UBTF: variants seen among roughly 807,000 people sequenced by gnomAD.
UBTF encodes the protein nucleolar transcription factor 1.
UBTF carries 8 observed loss-of-function variants against 112.3 expected under a neutral mutation model. That is an observed-to-expected ratio of 0.07 (90% CI 0.04 to 0.13). UBTF has a LOEUF of 0.13. Ranked by LOEUF, UBTF falls within the 10% of genes least tolerant of loss-of-function variation. UBTF has a pLI of 1.00. For synonymous variants in UBTF, 417 were observed against 373.1 expected (o/e 1.12, Z -1.36); for missense variants, 457 against 982.1 (o/e 0.47, Z 7.15).
At chr17:44,216,844 A>G in intron 2 of UBTF, 140 bp from the exon 3 acceptor site, 1 of 806,602 alleles carries the variant, frequency 1.2e-6, no homozygotes, top group South Asian at 1.6e-5. Context: ...CAGACAAGAT[A>G]TGGCTCAGCC....
chr17:44,207,224 CTGGGG>C lies in UBTF; in HGVS notation c.*13_*17del. Reference sequence around the variant, plus strand: ...AGCTCCTGGGCTCTCCCTGGCTGCCCTGGGGTGGGGCTGAGCCTCAGTTGGAGTCA... The same window carrying C: ...AGCTCCTGGGCTCTCCCTGGCTGCCCTGGGGCTGAGCCTCAGTTGGAGTCA... On this transcript the variant is annotated 3_prime_UTR_variant, in exon 21 of 21. Transcript: ENST00000436088. 6.2e-7 allele frequency: 1 copy of C among 1,613,148 alleles called. No homozygotes were observed. The highest frequency in any genetic ancestry group is 8.5e-7 in the Non-Finnish European group (1 of 1,179,724).
chr17:44,207,556 GTCCTCGTCATCCTCA>G lies in UBTF; in HGVS notation c.2052_2066del (p.Asp687_Asp691del). ...CATCATCTTCCTCTTCTTCATCCTC[GTCCTCGTCATCCTCA>G]TCCTCTTCATCATCCTCCTCGGACT... On this transcript the variant is annotated inframe_deletion, in exon 20 of 21. Coordinates refer to ENST00000436088, the MANE Select transcript of UBTF (RefSeq NM_014233.4). The G allele has an allele frequency of 6.2e-7, 1 of 1,613,906 alleles. No homozygotes were observed. The highest frequency in any genetic ancestry group is 8.5e-7 in the Non-Finnish European group (1 of 1,179,960).
At chr17:44,208,323 T>G (rs1046297199) in intron 17 of UBTF, among the ~76,000 whole-genome samples, 1 of 152,102 alleles carries the variant, frequency 6.6e-6, no homozygotes, top group African/African-American at 2.4e-5. Context: ...AGGATGGTCT[T>G]GAACTCCTGG....
chr17:44,211,020 G>A lies in UBTF; in HGVS notation c.1203+19C>T, dbSNP rs2097819. 5,340 of 1,605,970 alleles carry A rather than the reference G, an allele frequency of 3.3e-3. 125 individuals carry two copies. The African/African-American group carries it at 0.04, about 12-fold the overall frequency. ...CAGTCTTGCCCACCCCCGCCTGCGC[G>A]GCCGCACCCTCTGCCCACCTTGCCC... is the stretch of plus-strand genomic sequence containing the variant. On this transcript the variant is annotated intron_variant, in intron 12 of 20. Coordinates refer to ENST00000436088, the MANE Select transcript of UBTF (RefSeq NM_014233.4). The surrounding 1 kb of genome is among the most constrained non-coding windows in gnomAD (Gnocchi z 4.9).
chr17:44,220,538 T>TAA (rs78711085), upstream of UBTF, among the ~76,000 whole-genome samples: 1 of 146,144 alleles, frequency 6.8e-6, no homozygotes, highest in East Asian at 2.0e-4. Context: ...ACCTCTGCAT[T>TAA]AAAAAAAAAA....
Position 44,211,459 on chromosome 17 carries a change from G to T in UBTF, c.1048-128C>A. Reference sequence around the variant, plus strand: ...TGTGGGCTGGACTCCCTGCCTGGACGGGCTCAGTTGCTAAGCCCAGCCCAG... The same window carrying T: ...TGTGGGCTGGACTCCCTGCCTGGACTGGCTCAGTTGCTAAGCCCAGCCCAG... On this transcript the variant is annotated intron_variant, in intron 10 of 20. Transcript: ENST00000436088. This position sits in a 1 kb window ranked among gnomAD's most constrained non-coding sequence, Gnocchi z 4.9. 1.3e-6 allele frequency: 2 copies of T among 1,558,558 alleles called. No homozygotes were observed. The highest frequency in any genetic ancestry group is 2.2e-5 in the East Asian group (1 of 44,544).
Position 44,218,275 on chromosome 17 carries a change from C to T in UBTF, c.-46G>A. 1 of 1,607,214 alleles carries T rather than the reference C, an allele frequency of 6.2e-7. No homozygotes were observed. Reference sequence around the variant, plus strand: ...TCCTCGGTCGTGCTGGCCGGGCAACCCGGGGTCAAAGCCACCTCACCCTTT... The same window carrying T: ...TCCTCGGTCGTGCTGGCCGGGCAACTCGGGGTCAAAGCCACCTCACCCTTT... On this transcript the variant is annotated 5_prime_UTR_variant, in exon 2 of 21. Transcript: ENST00000436088.
chr17:44,217,231 G>T (rs771566075), intron 2 of UBTF, among the ~76,000 whole-genome samples: 1 of 152,166 alleles, frequency 6.6e-6, no homozygotes, highest in Non-Finnish European at 1.5e-5. Flanking sequence ...CAATGTTAGA[G>T]ACACCCACCA....
chr17:44,219,643 C>G lies in UBTF; in HGVS notation c.-266G>C, dbSNP rs1157770020. ...GCGGCGGCGGCGGCGGCGGCTGTGG[C>G]TGCTGCCTGCTGCTCCTCGCGGCGA... On this transcript the variant is annotated 5_prime_UTR_variant, in exon 1 of 21. Coordinates refer to ENST00000436088, the MANE Select transcript of UBTF (RefSeq NM_014233.4). 2 of 161,358 alleles carry G rather than the reference C, an allele frequency of 1.2e-5. No homozygotes were observed. Among genetic ancestry groups the G allele is most frequent in the Non-Finnish European group, 1.3e-5 (1 of 76,038 alleles). The allele number at this position is 161,358 out of a possible 1,614,324, so 10.0% of individuals were successfully genotyped here.
chr17:44,212,687 T>C lies in UBTF; in HGVS notation c.660+132A>G. On this transcript the variant is annotated intron_variant, in intron 7 of 20. Transcript: ENST00000436088. The stretch of plus-strand genomic sequence containing the variant: ...CTTGCACGCCAGCTGGCCCGGGCCC[T>C]GTCCATGCAGCCCACCCCTGGGGAG... 14 of 1,488,864 alleles carry C rather than the reference T, an allele frequency of 9.4e-6. 1 individual carries two copies. The South Asian group carries it at 1.4e-4, about 15-fold the overall frequency. 92.2% of individuals were successfully genotyped at this position (1,488,864 alleles called of 1,614,324 possible).
chr17:44,212,952 C>A lies in UBTF; in HGVS notation c.540-13G>T. The A allele has an allele frequency of 6.2e-7, 1 of 1,613,416 alleles. No homozygotes were observed. Among genetic ancestry groups the A allele is most frequent in the African/African-American group, 1.3e-5 (1 of 75,040 alleles). On this transcript the variant is annotated splice_polypyrimidine_tract_variant and intron_variant, in intron 6 of 20. Coordinates refer to ENST00000436088, the MANE Select transcript of UBTF (RefSeq NM_014233.4). ...GGGGTGATCCTCCCTAGCCAGGACACGGGGAGCAAGGATCAGCAGGGGACG... is the reference window on the plus strand; with the variant it reads ...GGGGTGATCCTCCCTAGCCAGGACAAGGGGAGCAAGGATCAGCAGGGGACG...
Position 44,211,243 on chromosome 17 carries a change from C to T in UBTF, c.1089+47G>A. On this transcript the variant is annotated intron_variant, in intron 11 of 20. Coordinates refer to ENST00000436088, the MANE Select transcript of UBTF (RefSeq NM_014233.4). The surrounding 1 kb of genome is among the most constrained non-coding windows in gnomAD (Gnocchi z 4.9). ...AGGGGCTCACCAGGGCTCTGCCTGC[C>T]AAGTCCCAGTCTTCTCTGCCCACTG... The T allele has an allele frequency of 6.2e-7, 1 of 1,614,150 alleles. No individual in the cohort carries two copies.
At chr17:44,218,380 G>T (rs562116487) in intron 1 of UBTF, 84 bp from the exon 2 acceptor site, 2 of 748,616 alleles carry the variant, frequency 2.7e-6, no homozygotes, top group East Asian at 2.7e-5. Context: ...GTAGAAGGGG[G>T]CAGGTCCACA....
Position 44,211,067 on chromosome 17 carries a change from G to C in UBTF, c.1175C>G (p.Ser392Cys). The stretch of plus-strand genomic sequence containing the variant: ...GCCCCCTTCCTGGGCTGGCTTCTTG[G>C]AGGCGGGGCTGGTGGCCTGCTTCTT... ...INKKQATSPA[S>C]KKPAQEGGKG... is the part of the protein sequence containing the mutation. Residue 392 changes from serine to cysteine, a missense_variant, in exon 12 of 21, where the codon TCC becomes TGC. Coordinates refer to ENST00000436088, the MANE Select transcript of UBTF (RefSeq NM_014233.4). This position sits in a 1 kb window ranked among gnomAD's most constrained non-coding sequence, Gnocchi z 4.9. 1 of 1,612,700 alleles carries C rather than the reference G, an allele frequency of 6.2e-7. No homozygotes were observed. Among genetic ancestry groups the C allele is most frequent in the Non-Finnish European group, 8.5e-7 (1 of 1,179,916 alleles).
rs369107567 is a variant in UBTF at position 44,209,538 on chromosome 17, G to A, written c.1719C>T (p.Asn573=). Residue 573 remains asparagine (N), a synonymous_variant, in exon 17 of 21, where the codon AAC becomes AAT. Coordinates refer to ENST00000436088, the MANE Select transcript of UBTF (RefSeq NM_014233.4). ...FQGEPKKPPM[N]GYQKFSQELL... ...GCTCCTGGGAGAACTTCTGGTAACC[G>A]TTCCTGGGAGGTGGGTTGGTAGAAG... The A allele has an allele frequency of 2.3e-4, 371 of 1,611,656 alleles. No homozygotes were observed. Among genetic ancestry groups the A allele is most frequent in the Non-Finnish European group, 2.9e-4 (345 of 1,178,038 alleles).
chr17:44,215,495 AGGGGC>A, intron 5 of UBTF, 154 bp downstream of exon 5: 1 of 852,402 alleles, frequency 1.2e-6, no homozygotes, highest in South Asian at 1.7e-5. Flanking sequence ...GGGCCGAGGA[AGGGGC>A]AATCAGGTGT....
upstream of UBTF, among the ~76,000 whole-genome samples, chr17:44,220,505 TAAAAA>T (rs11427102): frequency 4.7e-5 from 7 of 148,506 alleles, no homozygotes; most frequent in Non-Finnish European, 1.0e-4. Flanking sequence ...ATACGAAACT[TAAAAA>T]AAAACCCGAA....
Position 44,215,087 on chromosome 17 carries a change from T to C in UBTF, c.474+567A>G, listed in dbSNP as rs1394862029. Among the ~76,000 whole-genome samples the C allele has an allele frequency of 3.6e-5, 5 of 139,476 alleles. No individual in the cohort carries two copies. The East Asian group carries it at 9.4e-4, about 26-fold the overall frequency. The allele number at this position is 139,476 out of a possible 152,430, so 91.5% of individuals were successfully genotyped here. A position where few individuals can be genotyped will look rare whatever the true frequency, so the allele number is the denominator to read the frequency against. On this transcript the variant is annotated intron_variant, in intron 5 of 20. Coordinates refer to ENST00000436088, the MANE Select transcript of UBTF (RefSeq NM_014233.4). ...AGGCCAGGAGGGACAATGTGTGTCC[T>C]TGAGTGAACACGTGTGCGTGGAGAA...
rs1205602011 is a variant in UBTF, at chr17:44,205,751, G to A, written c.*1491C>T. 1.3e-5 allele frequency: 2 copies of A among 152,186 alleles called. No homozygotes were observed. Among genetic ancestry groups the A allele is most frequent in the Non-Finnish European group, 2.9e-5 (2 of 68,042 alleles). 9.4% of individuals were successfully genotyped at this position (152,186 alleles called of 1,614,324 possible). A position where few individuals can be genotyped will look rare whatever the true frequency, so the allele number is the denominator to read the frequency against. ...AAAAGCACCAAGCCCCAATTTAATA[G>A]GTCAGTGACATGACCATAAAAAAGA... On this transcript the variant is annotated 3_prime_UTR_variant, in exon 21 of 21. Transcript: ENST00000436088.
Sources: gnomAD v4.1 joint callset for allele counts (sites outside exome capture counted in the v4.1 genomes callset) on GRCh38, gnomAD v4.1.1 for gene constraint, Gnocchi (gnomAD v3.1) non-coding constraint, MANE v1.5 for transcripts, NCBI Gene and HGNC (gene_info 2026-07-23, HGNC 2026-07-21) for gene names.